The following PITPNC1 variants were observed in gnomAD, a reference collection of about 807,000 sequenced individuals.
PITPNC1 encodes the protein phosphatidylinositol transfer protein cytoplasmic 1, also known as cytoplasmic phosphatidylinositol transfer protein 1.
PITPNC1 carries 18 observed loss-of-function variants against 44.7 expected under a neutral mutation model. The observed-to-expected ratio is 0.40, with a 90% CI of 0.28 to 0.60. The LOEUF (loss-of-function observed/expected upper bound fraction) is 0.60. Ranked by LOEUF, PITPNC1 falls within the 20% of genes least tolerant of loss-of-function variation. The probability of loss-of-function intolerance (pLI) is 0.39; values close to 1 mark genes in which losing one functional copy is unlikely to be tolerated. For missense variants in PITPNC1, 290 were observed against 418.4 expected (o/e 0.69, Z 2.68); for synonymous variants, 141 against 149.6 (o/e 0.94, Z 0.42).
chr17:67,539,806 C>A (rs929505046), intron 2 of PITPNC1, among the ~76,000 whole-genome samples: 2 of 152,056 alleles, frequency 1.3e-5, no homozygotes, highest in African/African-American at 4.8e-5. Context: ...CCACTGCACT[C>A]GAGCCTGGGT....
At chr17:67,564,281 G>A (rs934135680) in intron 4 of PITPNC1, among the ~76,000 whole-genome samples, 1 of 152,098 alleles carries the variant, frequency 6.6e-6, no homozygotes, top group African/African-American at 2.4e-5. Flanking sequence ...CTGCAAGTTG[G>A]AGACCCTGGG....
intron 1 of PITPNC1, among the ~76,000 whole-genome samples, chr17:67,470,503 C>A (rs6504511): frequency 0.42 from 63,725 of 152,150 alleles, 15,245 homozygotes; most frequent in African/African-American, 0.66. Flanking sequence ...CAGATGTAGT[C>A]TCTTGTGTCT....
intron 5 of PITPNC1, among the ~76,000 whole-genome samples, chr17:67,581,737 G>A (rs994086446): frequency 2.0e-5 from 3 of 152,188 alleles, no homozygotes; most frequent in Non-Finnish European, 4.4e-5. Context: ...CAGAAAGGCA[G>A]AAAAGGAGCG....
chr17:67,493,763 C>A (rs2039893451), intron 1 of PITPNC1, among the ~76,000 whole-genome samples: 1 of 152,138 alleles, frequency 6.6e-6, no homozygotes, highest in Admixed American at 6.6e-5. Context: ...ATGGTAGCAA[C>A]CTAGCTATCA....
chr17:67,530,064 G>A (rs991734463), intron 1 of PITPNC1, among the ~76,000 whole-genome samples: 14 of 151,010 alleles, frequency 9.3e-5, no homozygotes, highest in African/African-American at 2.9e-4. Context: ...GGAAGGATCC[G>A]GTTCGGACCT....
intron 4 of PITPNC1, among the ~76,000 whole-genome samples, chr17:67,570,416 T>G (rs982201359): frequency 6.6e-6 from 1 of 152,196 alleles, no homozygotes; most frequent in Non-Finnish European, 1.5e-5. Flanking sequence ...TTGGCTGCCT[T>G]CCTTGCCATG....
chr17:67,423,711 A>C (rs1199683676), intron 1 of PITPNC1, among the ~76,000 whole-genome samples: 2 of 152,090 alleles, frequency 1.3e-5, no homozygotes, highest in African/African-American at 4.8e-5. Context: ...TTCTGGAGCA[A>C]AGGACAAATG....
At chr17:67,582,786 G>A (rs1598850173) in intron 5 of PITPNC1, among the ~76,000 whole-genome samples, 1 of 152,288 alleles carries the variant, frequency 6.6e-6, no homozygotes, top group South Asian at 2.1e-4. Context: ...TAGGGAGGAC[G>A]GCACCGTGCC....
chr17:67,607,727 C>T (rs200925547), intron 5 of PITPNC1, among the ~76,000 whole-genome samples: 1 of 147,254 alleles, frequency 6.8e-6, no homozygotes, highest in Non-Finnish European at 1.5e-5. Flanking sequence ...ACTTTTTTTT[C>T]TTTCTTTTTT....
At chr17:67,658,012 G>A (rs2042292902) in intron 6 of PITPNC1, among the ~76,000 whole-genome samples, 1 of 152,186 alleles carries the variant, frequency 6.6e-6, no homozygotes, top group Non-Finnish European at 1.5e-5. Context: ...CAAGCCAAGG[G>A]CAGTCCATGA....
At chr17:67,485,844 T>C (rs1036624506) in intron 1 of PITPNC1, among the ~76,000 whole-genome samples, 1 of 152,126 alleles carries the variant, frequency 6.6e-6, no homozygotes, top group Non-Finnish European at 1.5e-5. Flanking sequence ...CTGAAGGCTG[T>C]CTTCTGGGGG....
chr17:67,637,326 T>C (rs969103729), intron 6 of PITPNC1, among the ~76,000 whole-genome samples: 1 of 152,164 alleles, frequency 6.6e-6, no homozygotes, highest in African/African-American at 2.4e-5. Context: ...TCCATGGGCC[T>C]TTTCTTCCCA....
intron 5 of PITPNC1, among the ~76,000 whole-genome samples, chr17:67,625,758 C>T (rs760404595): frequency 6.6e-5 from 10 of 152,084 alleles, no homozygotes; most frequent in Non-Finnish European, 1.3e-4. Context: ...ACTAACAGGA[C>T]GCAGAGGCCA....
chr17:67,469,456 T>G (rs2039480394), intron 1 of PITPNC1, among the ~76,000 whole-genome samples: 1 of 152,172 alleles, frequency 6.6e-6, no homozygotes, highest in Non-Finnish European at 1.5e-5. Context: ...CCTCTGTGTT[T>G]TAACAAGATC....
intron 1 of PITPNC1, among the ~76,000 whole-genome samples, chr17:67,386,740 G>A (rs2038059986): frequency 6.6e-6 from 1 of 152,142 alleles, no homozygotes; most frequent in Admixed American, 6.5e-5. Flanking sequence ...GTGGGCTTTG[G>A]CCTGTTTTCT....
intron 5 of PITPNC1, among the ~76,000 whole-genome samples, chr17:67,593,696 T>G (rs753967053): frequency 3.3e-5 from 5 of 152,210 alleles, no homozygotes; most frequent in African/African-American, 7.2e-5. Flanking sequence ...ATGTTTTTTA[T>G]ATGATTTTTT....
At chr17:67,684,711 C>A (rs971074762) in intron 8 of PITPNC1, among the ~76,000 whole-genome samples, 5 of 152,014 alleles carry the variant, frequency 3.3e-5, no homozygotes, top group Non-Finnish European at 7.4e-5. Flanking sequence ...TATTCTTCTA[C>A]CTAATTTTTA....
chr17:67,572,607 T>C (rs2041077315), intron 4 of PITPNC1, among the ~76,000 whole-genome samples: 1 of 151,394 alleles, frequency 6.6e-6, no homozygotes, highest in Non-Finnish European at 1.5e-5. Flanking sequence ...TAGCTAATGG[T>C]AATGGTGACA....
chr17:67,565,931 C>T lies in PITPNC1; in HGVS notation c.295-12255C>T, dbSNP rs182736005. On this transcript the variant is annotated intron_variant, in intron 4 of 8. Transcript: ENST00000581322. Reference sequence around the variant, plus strand: ...GTGTATACTCGTTTTCCATGTTTTTCGATGTGTATACTAGTTTTTCCATGT... The same window carrying T: ...GTGTATACTCGTTTTCCATGTTTTTTGATGTGTATACTAGTTTTTCCATGT... 4.9e-4 allele frequency among the ~76,000 whole-genome samples: 74 copies of T among 151,516 alleles called. No homozygotes were observed. The East Asian group carries it at 0.011, about 23-fold the overall frequency.
Sources: allele counts gnomAD v4.1 joint callset (sites outside exome capture counted in the v4.1 genomes callset), GRCh38; gene constraint gnomAD v4.1.1; transcripts MANE v1.5; gene names NCBI Gene and HGNC (gene_info 2026-07-23, HGNC 2026-07-21).